Variants in PCDH15 observed in about 807,000 individuals in gnomAD.
PCDH15 encodes protocadherin related 15.
PCDH15 carries 129 observed loss-of-function variants against 178.5 expected under a neutral mutation model. The observed-to-expected ratio is 0.72, with a 90% confidence interval of 0.63 to 0.84. The LOEUF (loss-of-function observed/expected upper bound fraction) is 0.84. PCDH15 is among the 40% of genes least tolerant of loss of function. The pLI is 0.00. For missense variants in PCDH15, 2,230 were observed against 2,099.9 expected (o/e 1.06, Z -1.21); for synonymous variants, 800 against 732.0 (o/e 1.09, Z -1.50).
chr10:55,393,318 C>A (rs1837845267), intron 2 of PCDH15, among the ~76,000 whole-genome samples: 1 of 152,234 alleles, frequency 6.6e-6, no homozygotes, highest in African/African-American at 2.4e-5. Context: ...CTGGTAATAA[C>A]ATTAGTCTAG....
At chr10:55,551,903 C>T (rs903980062) in intron 2 of PCDH15, among the ~76,000 whole-genome samples, 5 of 151,766 alleles carry the variant, frequency 3.3e-5, no homozygotes, top group Non-Finnish European at 7.4e-5. Flanking sequence ...AAAATGTCCA[C>T]TTTCCCTTTA....
intron 2 of PCDH15, among the ~76,000 whole-genome samples, chr10:54,908,670 G>A (rs1471212780): frequency 6.6e-6 from 1 of 152,210 alleles, no homozygotes; most frequent in African/African-American, 2.4e-5. Flanking sequence ...TTATTGAGCA[G>A]TAGAACAGCT....
At chr10:54,041,418 C>T (rs1010604242) in intron 18 of PCDH15, among the ~76,000 whole-genome samples, 1 of 152,008 alleles carries the variant, frequency 6.6e-6, no homozygotes, top group Non-Finnish European at 1.5e-5. Context: ...AGGGCTGGGG[C>T]TCTAACTAAG....
At chr10:55,227,339 C>T (rs1841077741) in intron 1 of PCDH15, among the ~76,000 whole-genome samples, 1 of 152,004 alleles carries the variant, frequency 6.6e-6, no homozygotes, top group African/African-American at 2.4e-5. Context: ...TGAATGCACC[C>T]TTTCTCAAAA....
intron 2 of PCDH15, among the ~76,000 whole-genome samples, chr10:55,536,426 T>C (rs1390367040): frequency 3.3e-5 from 5 of 152,104 alleles, no homozygotes. Context: ...TATTTGAAAG[T>C]GTTTCTATCT....
At chr10:54,351,299 C>T (rs1331766722) in intron 5 of PCDH15, among the ~76,000 whole-genome samples, 11 of 152,018 alleles carry the variant, frequency 7.2e-5, no homozygotes, top group Middle Eastern at 3.2e-3. Flanking sequence ...TGGCAGAAAG[C>T]CCACACCTAA....
rs779039735 is a variant in PCDH15, at chr10:53,810,636, G to A, written c.4591C>T (p.Arg1531Cys). The A allele has an allele frequency of 1.1e-5, 18 of 1,613,476 alleles. 1 individual carries two copies. The Admixed American group carries it at 1.2e-4, about 10-fold the overall frequency. The part of the protein sequence containing the change: ...GYEMPQYGSR[R>C]RLLPPAGQEE... ...TGTCCAGCTGGTGGTAACAATCGAC[G>A]GCGACTCCCATATTGAGGCATTTCA... The change falls in exon 37 of 38, where the codon CGT becomes TGT. Residue 1531 changes from arginine (R) to cysteine (C), a missense_variant. Arg to Cys is a radical substitution (Grantham distance 180). Coordinates refer to ENST00000644397, the MANE Select transcript of PCDH15 (RefSeq NM_001384140.1).
At chr10:53,823,684 G>C in intron 32 of PCDH15, 1 of 470,736 alleles carries the variant, frequency 2.1e-6, no homozygotes, top group South Asian at 1.6e-5. Flanking sequence ...ACACGTAACA[G>C]TTCCCTTATG....
chr10:54,338,486 G>GTT (rs1941622781), intron 6 of PCDH15, among the ~76,000 whole-genome samples: 1 of 152,038 alleles, frequency 6.6e-6, no homozygotes, highest in Non-Finnish European at 1.5e-5. Context: ...TTAAAATGTG[G>GTT]TTTTAACTTC....
chr10:54,955,406 C>A (rs59162722), intron 2 of PCDH15, among the ~76,000 whole-genome samples: 335 of 151,326 alleles, frequency 2.2e-3, no homozygotes, highest in African/African-American at 7.7e-3. Flanking sequence ...GTAAGCATTT[C>A]TCCAAATGGT....
chr10:54,012,626 T>C (rs766516537), intron 20 of PCDH15, among the ~76,000 whole-genome samples: 2 of 152,096 alleles, frequency 1.3e-5, no homozygotes, highest in Non-Finnish European at 2.9e-5. Flanking sequence ...CCAGAAGAGA[T>C]TGGGGGCCTA....
Position 53,806,244 on chromosome 10 carries a change from A to ATAATC in PCDH15, c.*330_*334dup, listed in dbSNP as rs201937428. 32 of 200,424 alleles carry ATAATC rather than the reference A, an allele frequency of 1.6e-4. No homozygotes were observed. The highest frequency in any genetic ancestry group is 1.0e-3 in the East Asian group (8 of 7,902). 12.4% of individuals were successfully genotyped at this position (200,424 alleles called of 1,614,324 possible). ...TGTTTTGTGGAGCTAGAAATAAAGC[A>ATAATC]TAATCTATGTTAATCAATAAAATAT... On this transcript the variant is annotated 3_prime_UTR_variant, in exon 38 of 38. Coordinates refer to ENST00000644397, the MANE Select transcript of PCDH15 (RefSeq NM_001384140.1).
chr10:55,099,628 T>C (rs1462158505), intron 2 of PCDH15, among the ~76,000 whole-genome samples: 1 of 152,066 alleles, frequency 6.6e-6, no homozygotes, highest in Non-Finnish European at 1.5e-5. Context: ...TCATATTCCT[T>C]GGTAAGATTA....
chr10:55,195,486 C>CAAAA (rs34476628), intron 1 of PCDH15, among the ~76,000 whole-genome samples: 1 of 115,228 alleles, frequency 8.7e-6, no homozygotes, highest in Non-Finnish European at 1.7e-5. Flanking sequence ...ACTAAAAATA[C>CAAAA]AAAAAAAAAA....
chr10:53,997,977 G>T (rs1911411), intron 20 of PCDH15, among the ~76,000 whole-genome samples: 35,268 of 152,056 alleles, frequency 0.23, 4,403 homozygotes, highest in East Asian at 0.45. Context: ...GAGGAGAAAT[G>T]TATTGAAATG....
chr10:54,594,119 C>T (rs2092060081), intron 2 of PCDH15, among the ~76,000 whole-genome samples: 1 of 152,074 alleles, frequency 6.6e-6, no homozygotes, highest in African/African-American at 2.4e-5. Flanking sequence ...CAGAAATGAG[C>T]AACTCACTCT....
intron 10 of PCDH15, among the ~76,000 whole-genome samples, chr10:54,207,993 A>G (rs2050998225): frequency 6.6e-6 from 1 of 152,042 alleles, no homozygotes; most frequent in Non-Finnish European, 1.5e-5. Flanking sequence ...TCCATTTTTA[A>G]GCCAGTTGAT....
chr10:55,290,887 G>A (rs374577844), intron 1 of PCDH15, among the ~76,000 whole-genome samples: 6 of 152,014 alleles, frequency 3.9e-5, no homozygotes, highest in East Asian at 3.9e-4. Flanking sequence ...TCTGATTAAT[G>A]TGTGTTTAAA....
chr10:53,825,550 G>A (rs1229985633), intron 32 of PCDH15, among the ~76,000 whole-genome samples: 1 of 151,498 alleles, frequency 6.6e-6, no homozygotes, highest in Non-Finnish European at 1.5e-5. Flanking sequence ...TATTTTGTTT[G>A]GAAGAAAGTA....
Sources: allele counts gnomAD v4.1 joint callset (sites outside exome capture counted in the v4.1 genomes callset), GRCh38; gene constraint gnomAD v4.1.1; transcripts MANE v1.5; gene names NCBI Gene and HGNC (gene_info 2026-07-23, HGNC 2026-07-21).